Variants in PRKN observed in about 807,000 individuals in gnomAD.
PRKN encodes parkin RBR E3 ubiquitin protein ligase, also known as E3 ubiquitin-protein ligase parkin.
In PRKN, 56 loss-of-function variants were observed where a neutral mutation model predicts 59.5. That is an observed-to-expected ratio of 0.94 (90% CI 0.76 to 1.18). The LOEUF (loss-of-function observed/expected upper bound fraction) is 1.18, where lower values mean the gene tolerates loss of function less well. Among genes scored for constraint, PRKN ranks in the 50% most tolerant of loss-of-function variants. The pLI, the probability that PRKN is intolerant of heterozygous loss-of-function variation, is 0.00. For missense variants in PRKN, 657 were observed against 596.4 expected (o/e 1.10, Z -1.06); for synonymous variants, 250 against 222.1 (o/e 1.13, Z -1.12).
chr6:162,115,180 T>C (rs1441330115), intron 4 of PRKN, among the ~76,000 whole-genome samples: 1 of 152,030 alleles, frequency 6.6e-6, no homozygotes, highest in East Asian at 1.9e-4. Context: ...AAATGATGAG[T>C]TCATGTCCTT....
At chr6:161,854,797 G>C (rs1293137926) in intron 6 of PRKN, among the ~76,000 whole-genome samples, 1 of 152,112 alleles carries the variant, frequency 6.6e-6, no homozygotes, top group Middle Eastern at 3.4e-3. Context: ...TAGAAAAGTG[G>C]TTCTCGGCCG....
intron 7 of PRKN, among the ~76,000 whole-genome samples, chr6:161,693,734 A>G (rs1407535919): frequency 3.9e-5 from 6 of 152,226 alleles, no homozygotes; most frequent in Admixed American, 3.3e-4. Flanking sequence ...CCCAGATGTA[A>G]ATTTTTGGAA....
chr6:161,787,363 T>G (rs1790462606), intron 6 of PRKN, among the ~76,000 whole-genome samples: 1 of 152,192 alleles, frequency 6.6e-6, no homozygotes, highest in Non-Finnish European at 1.5e-5. Flanking sequence ...GGCTTCTCCT[T>G]TCCCCTCTTG....
intron 4 of PRKN, among the ~76,000 whole-genome samples, chr6:162,095,588 G>T (rs1954926): frequency 0.53 from 81,327 of 152,098 alleles, 22,693 homozygotes; most frequent in East Asian, 0.75. Flanking sequence ...TTTTACATCT[G>T]CAGAATAACT....
At position 162,053,860 on chromosome 6, in the gene PRKN, C is replaced by T. The variant is rs1025200374; in HGVS notation, c.618+231G>A. ...CAATGAGTTTAAATTGGCACATTTC[C>T]ACACGGTCCCCCCAAATGATTAAGT... is the stretch of plus-strand genomic sequence containing the variant. On this transcript the variant is annotated intron_variant, in intron 5 of 11. Coordinates refer to ENST00000366898, the MANE Select transcript of PRKN (RefSeq NM_004562.3). Among the ~76,000 whole-genome samples, 3 of 152,140 alleles carry T rather than the reference C, an allele frequency of 2.0e-5. No homozygotes were observed. The East Asian group carries it at 5.8e-4, about 29-fold the overall frequency.
At chr6:161,450,281 C>T (rs1021170655) in intron 9 of PRKN, among the ~76,000 whole-genome samples, 1 of 152,156 alleles carries the variant, frequency 6.6e-6, no homozygotes, top group Non-Finnish European at 1.5e-5. Flanking sequence ...CCTGCTGCAG[C>T]ATTCTTGAAA....
At chr6:162,524,500 AAT>A (rs1337187578) in intron 1 of PRKN, among the ~76,000 whole-genome samples, 2 of 152,196 alleles carry the variant, frequency 1.3e-5, no homozygotes, top group African/African-American at 4.8e-5. Context: ...AATTCTATAA[AAT>A]ATAATGCATG....
At chr6:162,320,555 C>A (rs1782974475) in intron 2 of PRKN, among the ~76,000 whole-genome samples, 1 of 150,576 alleles carries the variant, frequency 6.6e-6, no homozygotes, top group Non-Finnish European at 1.5e-5. Flanking sequence ...ATTAAGACAC[C>A]ACTACACACC....
intron 7 of PRKN, among the ~76,000 whole-genome samples, chr6:161,677,034 T>C (rs921845426): frequency 1.3e-5 from 2 of 152,182 alleles, no homozygotes; most frequent in African/African-American, 4.8e-5. Context: ...TGAATATATA[T>C]TTGCTTTGGC....
intron 2 of PRKN, among the ~76,000 whole-genome samples, chr6:162,428,841 T>C (rs1789371443): frequency 6.6e-6 from 1 of 152,162 alleles, no homozygotes; most frequent in Non-Finnish European, 1.5e-5. Context: ...CCTTATGGCC[T>C]TGGCATGTGC....
intron 1 of PRKN, among the ~76,000 whole-genome samples, chr6:162,478,697 A>G (rs561320397): frequency 6.6e-6 from 1 of 152,146 alleles, no homozygotes; most frequent in Admixed American, 6.6e-5. Context: ...ATAAACCCAG[A>G]TGGTACAGGC....
chr6:162,102,574 A>G (rs1304694656), intron 4 of PRKN, among the ~76,000 whole-genome samples: 1 of 152,198 alleles, frequency 6.6e-6, no homozygotes, highest in Non-Finnish European at 1.5e-5. Context: ...GACGACCTTC[A>G]CTATTTTTTG....
rs529064802 is a variant in PRKN at position 162,339,494 on chromosome 6, C to T, written c.172-76729G>A. ...TGAGGAGCCCCTCTGCCCGGCCAGCCGCCCCGTCCGGGAGGGAGGTGGGGG... is the reference window on the plus strand; with the variant it reads ...TGAGGAGCCCCTCTGCCCGGCCAGCTGCCCCGTCCGGGAGGGAGGTGGGGG... On this transcript the variant is annotated intron_variant, in intron 2 of 11. Coordinates refer to ENST00000366898, the MANE Select transcript of PRKN (RefSeq NM_004562.3). Among the ~76,000 whole-genome samples, 127 of 139,226 alleles carry T rather than the reference C, an allele frequency of 9.1e-4. 3 individuals carry two copies. The South Asian group carries it at 0.028, about 31-fold the overall frequency. The allele number at this position is 139,226 out of a possible 152,430, so 91.3% of individuals were successfully genotyped here.
rs1236350553 is a variant in PRKN at position 161,454,876 on chromosome 6, C to T, written c.1084-67999G>A. On this transcript the variant is annotated intron_variant, in intron 9 of 11. Transcript: ENST00000366898. The surrounding 1 kb of genome is among the most constrained non-coding windows in gnomAD (Gnocchi z 4.6). ...GTCTAAAGTCATCCTTCCACTCCCCCAGTTGTCTCAGTTTCTCTGTCTTTT... is the reference window on the plus strand; with the variant it reads ...GTCTAAAGTCATCCTTCCACTCCCCTAGTTGTCTCAGTTTCTCTGTCTTTT... Among the ~76,000 whole-genome samples, 1 of 152,146 alleles carries T rather than the reference C, an allele frequency of 6.6e-6. No individual in the cohort carries two copies. Among genetic ancestry groups the T allele is most frequent in the East Asian group, 1.9e-4 (1 of 5,194 alleles).
At position 161,460,939 on chromosome 6, in the gene PRKN, A is replaced by G. The variant is rs577437858; in HGVS notation, c.1084-74062T>C. The stretch of plus-strand genomic sequence containing the variant: ...TAATTTTTCTTTCTTTTTTTTTTTT[A>G]GCAGAGACGGGGTTTCACCATGTTG... On this transcript the variant is annotated intron_variant, in intron 9 of 11. Transcript: ENST00000366898. This position sits in a 1 kb window ranked among gnomAD's most constrained non-coding sequence, Gnocchi z 5.0. Among the ~76,000 whole-genome samples the G allele has an allele frequency of 1.8e-4, 27 of 146,988 alleles. No individual in the cohort carries two copies. Among genetic ancestry groups the G allele is most frequent in the Middle Eastern group, 6.8e-3 (2 of 292 alleles).
chr6:161,764,224 T>C (rs578001230), intron 7 of PRKN, among the ~76,000 whole-genome samples: 1 of 152,360 alleles, frequency 6.6e-6, no homozygotes, highest in East Asian at 1.9e-4. Flanking sequence ...TCTGTAATTA[T>C]ATAGCTGCAT....
chr6:161,881,674 T>C (rs1056827450), intron 6 of PRKN, among the ~76,000 whole-genome samples: 2 of 152,160 alleles, frequency 1.3e-5, no homozygotes, highest in African/African-American at 4.8e-5. Flanking sequence ...TAAGGTTACA[T>C]TTCACAGACT....
intron 3 of PRKN, among the ~76,000 whole-genome samples, chr6:162,232,577 GA>G (rs1423283894): frequency 1.3e-5 from 2 of 152,074 alleles, no homozygotes; most frequent in African/African-American, 4.8e-5. Flanking sequence ...CGCTTGGTAT[GA>G]AATCATTGAT....
At chr6:162,706,811 T>C (rs761893091) in intron 1 of PRKN, among the ~76,000 whole-genome samples, 8 of 151,484 alleles carry the variant, frequency 5.3e-5, no homozygotes, top group Non-Finnish European at 7.4e-5. Context: ...GAATGTATCA[T>C]AGATATAGAT....
Sources: allele counts gnomAD v4.1 joint callset (sites outside exome capture counted in the v4.1 genomes callset), GRCh38; gene constraint gnomAD v4.1.1; non-coding constraint Gnocchi (gnomAD v3.1); transcripts MANE v1.5; gene names NCBI Gene and HGNC (gene_info 2026-07-23, HGNC 2026-07-21).